CAMKMT: variants seen among roughly 807,000 people sequenced by gnomAD.
CAMKMT encodes CaM KMT.
Under a neutral mutation model 48.0 loss-of-function variants are expected in CAMKMT, and 53 were observed. The observed-to-expected ratio is 1.10, with a 90% confidence interval of 0.89 to 1.39. The LOEUF is 1.39. Among genes scored for constraint, CAMKMT ranks in the 40% most tolerant of loss-of-function variants. CAMKMT has a pLI of 0.00. For synonymous variants in CAMKMT, 165 were observed against 152.3 expected (o/e 1.08, Z -0.61); for missense variants, 428 against 402.7 (o/e 1.06, Z -0.54).
chr2:44,362,341 G>A (rs534641641), intron 1 of CAMKMT, among the ~76,000 whole-genome samples, 196 bp downstream of exon 1: 61 of 152,274 alleles, frequency 4.0e-4, no homozygotes, highest in African/African-American at 1.4e-3. Context: ...GGGGTTGGGT[G>A]GGGAGCGGGA....
chr2:44,696,757 A>T (rs1459651542), intron 3 of CAMKMT, among the ~76,000 whole-genome samples: 1 of 151,816 alleles, frequency 6.6e-6, no homozygotes, highest in Non-Finnish European at 1.5e-5. Flanking sequence ...CAGATAACAA[A>T]ACCAAGAAAC....
At chr2:44,515,219 G>GAT (rs1373715804) in intron 3 of CAMKMT, among the ~76,000 whole-genome samples, 1 of 152,228 alleles carries the variant, frequency 6.6e-6, no homozygotes, top group Non-Finnish European at 1.5e-5. Flanking sequence ...GGGAGGGTTT[G>GAT]ATATACTGCC....
chr2:44,631,962 T>C (rs1212711799), intron 3 of CAMKMT, among the ~76,000 whole-genome samples: 2 of 152,128 alleles, frequency 1.3e-5, no homozygotes, highest in Non-Finnish European at 2.9e-5. Flanking sequence ...TTAGAAGCTT[T>C]AAGAATATAC....
In CAMKMT at chr2:44,714,245, C is replaced by CT. The variant is rs1359210917; in HGVS notation, c.557-1041dup. On this transcript the variant is annotated intron_variant, in intron 6 of 10. Transcript: ENST00000378494. ...GGAGCAAAGAAAAAGAGGATCAACT[C>CT]TAAGAGTTATAGTGCCAGGAAGTGG... 2.6e-5 allele frequency among the ~76,000 whole-genome samples: 4 copies of CT among 152,190 alleles called. No homozygotes were observed. In the South Asian group the frequency reaches 6.2e-4, roughly 24 times the overall value.
chr2:44,422,993 C>G (rs1684032303), intron 3 of CAMKMT, among the ~76,000 whole-genome samples: 1 of 152,112 alleles, frequency 6.6e-6, no homozygotes, highest in African/African-American at 2.4e-5. Context: ...CTCAGATTTT[C>G]TTTCTCATCT....
Position 44,665,561 on chromosome 2 carries a change from C to T in CAMKMT, c.377-38722C>T, listed in dbSNP as rs1674920708. 2.0e-5 allele frequency among the ~76,000 whole-genome samples: 3 copies of T among 152,210 alleles called. No individual in the cohort carries two copies. The South Asian group carries it at 6.2e-4, about 32-fold the overall frequency. On this transcript the variant is annotated intron_variant, in intron 3 of 10. Transcript: ENST00000378494. ...CCAGGCAATGATAGCTGGACCACTT[C>T]TGAACTTCCTGGATGGTTGATCAGA...
chr2:44,591,252 C>T lies in CAMKMT; in HGVS notation c.377-113031C>T, dbSNP rs1394052338. On this transcript the variant is annotated intron_variant, in intron 3 of 10. Transcript: ENST00000378494. ...GGCAATGTGGGCTCTTTTTTGGTTC[C>T]ATATGAACTTTAAAGTAGTTTTTTC... is the stretch of plus-strand genomic sequence containing the variant. Among the ~76,000 whole-genome samples, 4 of 151,244 alleles carry T rather than the reference C, an allele frequency of 2.6e-5. 1 individual carries two copies. The highest frequency in any genetic ancestry group is 9.7e-5 in the African/African-American group (4 of 41,238).
At chr2:44,632,936 G>A (rs1472234594) in intron 3 of CAMKMT, among the ~76,000 whole-genome samples, 1 of 152,022 alleles carries the variant, frequency 6.6e-6, no homozygotes, top group East Asian at 1.9e-4. Flanking sequence ...GGCCTATTGT[G>A]GAACCTTGTG....
intron 6 of CAMKMT, among the ~76,000 whole-genome samples, chr2:44,714,084 G>C (rs1053181559): frequency 2.6e-5 from 4 of 152,112 alleles, no homozygotes; most frequent in African/African-American, 4.8e-5. Context: ...GGGAAAGTGA[G>C]GGCAGTTGGA....
intron 3 of CAMKMT, among the ~76,000 whole-genome samples, chr2:44,437,187 G>C (rs1395033537): frequency 6.6e-6 from 1 of 152,086 alleles, no homozygotes; most frequent in East Asian, 1.9e-4. Flanking sequence ...CTGAGAAAAT[G>C]GTTCTTTATC....
At chr2:44,755,312 C>G (rs1247009088) in intron 9 of CAMKMT, among the ~76,000 whole-genome samples, 1 of 152,272 alleles carries the variant, frequency 6.6e-6, no homozygotes, top group South Asian at 2.1e-4. Flanking sequence ...ACGGCCACTG[C>G]ATGGTTGAAT....
intron 3 of CAMKMT, among the ~76,000 whole-genome samples, chr2:44,609,516 G>A (rs1420206707): frequency 6.6e-6 from 1 of 152,096 alleles, no homozygotes; most frequent in Non-Finnish European, 1.5e-5. Context: ...ATTAAGTTAT[G>A]CCACATGTGA....
Position 44,372,797 on chromosome 2 carries a change from A to C in CAMKMT, c.220A>C (p.Thr74Pro). Residue 74 changes from threonine (T) to proline (P), a missense_variant, in exon 2 of 11, where the codon ACA (threonine) becomes CCA (proline). Physicochemically the swap from Thr to Pro is conservative, Grantham distance 38 (BLOSUM62 -1). Transcript: ENST00000378494. ...TGAATCATTTAATCTGTTTTCAGTA[A>C]CAGAAGGCAAAGAAAGGGAAACTGA... Reference protein sequence around the residue: ...RFESFNLFSVTEGKERETEEE... With the variant: ...RFESFNLFSVPEGKERETEEE... 1 of 1,614,012 alleles carries C rather than the reference A, an allele frequency of 6.2e-7. No homozygotes were observed. The highest frequency in any genetic ancestry group is 8.5e-7 in the Non-Finnish European group (1 of 1,179,942).
chr2:44,589,895 A>AAAAAAAAAAAAC (rs1572868935), intron 3 of CAMKMT, among the ~76,000 whole-genome samples: 1 of 81,966 alleles, frequency 1.2e-5, no homozygotes, highest in East Asian at 2.3e-4. Flanking sequence ...AAAAAAAAAA[A>AAAAAAAAAAAAC]GAAAAAAAAA....
At position 44,647,741 on chromosome 2, in the gene CAMKMT, T is replaced by TA. The variant is rs528148594; in HGVS notation, c.377-56535dup. On this transcript the variant is annotated intron_variant, in intron 3 of 10. Coordinates refer to ENST00000378494, the MANE Select transcript of CAMKMT (RefSeq NM_024766.5). ...TAACACGGTGAAACCCCGTCTCTACTAAAAAAATACAAAAAAATTAGCCAG... is the reference window on the plus strand; with the variant it reads ...TAACACGGTGAAACCCCGTCTCTACTAAAAAAAATACAAAAAAATTAGCCAG... Among the ~76,000 whole-genome samples the TA allele has an allele frequency of 7.3e-3, 1,096 of 151,134 alleles. 18 individuals carry two copies. Among genetic ancestry groups the TA allele is most frequent in the African/African-American group, 0.026 (1,053 of 41,200 alleles).
intron 2 of CAMKMT, among the ~76,000 whole-genome samples, chr2:44,388,130 T>G (rs918095225): frequency 2.0e-5 from 3 of 152,160 alleles, no homozygotes; most frequent in Non-Finnish European, 4.4e-5. Flanking sequence ...AGCTTCTTCC[T>G]CAGGAACACC....
chr2:44,670,216 A>G (rs1406706995), intron 3 of CAMKMT, among the ~76,000 whole-genome samples: 1 of 152,180 alleles, frequency 6.6e-6, no homozygotes, highest in Non-Finnish European at 1.5e-5. Flanking sequence ...CTTGAACTAT[A>G]AGAAATTGCT....
At chr2:44,586,094 T>G (rs6544763) in intron 3 of CAMKMT, among the ~76,000 whole-genome samples, 1 of 151,952 alleles carries the variant, frequency 6.6e-6, no homozygotes, top group South Asian at 2.1e-4. Context: ...TACAGAGGTA[T>G]GTACAGAGGT....
chr2:44,430,181 C>G (rs1054138829), intron 3 of CAMKMT, among the ~76,000 whole-genome samples: 12 of 151,946 alleles, frequency 7.9e-5, no homozygotes, highest in African/African-American at 2.4e-4. Context: ...GCCTTGTAGT[C>G]TCTGATGTTT....
Sources: gnomAD v4.1 joint callset for allele counts (sites outside exome capture counted in the v4.1 genomes callset) on GRCh38, gnomAD v4.1.1 for gene constraint, MANE v1.5 for transcripts, NCBI Gene and HGNC (gene_info 2026-07-23, HGNC 2026-07-21) for gene names.